The following NRG1 variants were observed in gnomAD, a reference collection of about 807,000 sequenced individuals.
NRG1 encodes pro-neuregulin-1, membrane-bound isoform.
A neutral mutation model predicts 63.8 loss-of-function variants in NRG1; 18 were observed. That is an observed-to-expected ratio of 0.28 (90% CI 0.19 to 0.42). The LOEUF is 0.42. Ranked by LOEUF, NRG1 falls within the 10% of genes least tolerant of loss-of-function variation. NRG1 has a pLI of 1.00. For synonymous variants in NRG1, 302 were observed against 301.3 expected (o/e 1.00, Z -0.02); for missense variants, 762 against 814.7 (o/e 0.94, Z 0.79).
At chr8:31,856,867 C>T (rs1372252500) in intron 1 of NRG1, among the ~76,000 whole-genome samples, 38 of 152,236 alleles carry the variant, frequency 2.5e-4, no homozygotes, top group Non-Finnish European at 1.3e-4. Context: ...TTGGAGTACC[C>T]GGCCGTGTGA....
chr8:31,789,802 A>G (rs1403474362), intron 1 of NRG1, among the ~76,000 whole-genome samples: 3 of 152,160 alleles, frequency 2.0e-5, no homozygotes, highest in African/African-American at 7.2e-5. Context: ...TAATGAATTT[A>G]TGTTCATTAT....
intron 5 of NRG1, among the ~76,000 whole-genome samples, chr8:32,651,367 G>A (rs1194142172): frequency 1.3e-5 from 2 of 152,128 alleles, no homozygotes; most frequent in East Asian, 3.9e-4. Context: ...TGATTATATT[G>A]TCATGATACT....
At chr8:32,418,536 G>T (rs1266100814) in intron 1 of NRG1, among the ~76,000 whole-genome samples, 1 of 151,568 alleles carries the variant, frequency 6.6e-6, no homozygotes, top group African/African-American at 2.4e-5. Context: ...TCTTAATTTG[G>T]ACTAGATGCA....
At chr8:32,621,306 A>G (rs1848294890) in intron 5 of NRG1, among the ~76,000 whole-genome samples, 2 of 152,186 alleles carry the variant, frequency 1.3e-5, no homozygotes, top group African/African-American at 2.4e-5. Context: ...CTAAAAACTT[A>G]TAAATAATTG....
rs1837168214 is a variant in NRG1, at chr8:32,564,949, A to C, written c.100+16123A>C. Among the ~76,000 whole-genome samples the C allele has an allele frequency of 4.6e-5, 7 of 152,234 alleles. No homozygotes were observed. The South Asian group carries it at 1.4e-3, about 32-fold the overall frequency. The stretch of plus-strand genomic sequence containing the variant: ...GCCAGTTATAATGGTGCACATGTGT[A>C]GTACCAGCTACTTGGGAGGCTGAGG... On this transcript the variant is annotated intron_variant, in intron 1 of 11. Transcript: ENST00000356819.
At chr8:32,492,251 T>C (rs1346335029) in intron 1 of NRG1, among the ~76,000 whole-genome samples, 4 of 152,204 alleles carry the variant, frequency 2.6e-5, no homozygotes, top group African/African-American at 9.6e-5. Flanking sequence ...TTGAGTTATA[T>C]GGGAGTCAAT....
intron 1 of NRG1, among the ~76,000 whole-genome samples, chr8:31,754,500 A>C (rs1252768072): frequency 6.6e-6 from 1 of 152,120 alleles, no homozygotes; most frequent in Non-Finnish European, 1.5e-5. Flanking sequence ...AGATGCCAGC[A>C]TCATGCTTCC....
intron 1 of NRG1, among the ~76,000 whole-genome samples, chr8:31,656,593 A>T (rs1035996632): frequency 2.6e-5 from 4 of 152,226 alleles, no homozygotes; most frequent in South Asian, 2.1e-4. Context: ...ACTGGGAAGA[A>T]TAACTAATTT....
At chr8:31,759,252 C>T (rs184987274) in intron 1 of NRG1, among the ~76,000 whole-genome samples, 2 of 152,112 alleles carry the variant, frequency 1.3e-5, no homozygotes, top group African/African-American at 2.4e-5. Context: ...TTGATAAACC[C>T]TATTTTATCA....
At chr8:32,384,455 C>T (rs1173006807) in intron 1 of NRG1, among the ~76,000 whole-genome samples, 2 of 152,196 alleles carry the variant, frequency 1.3e-5, no homozygotes, top group Non-Finnish European at 2.9e-5. Context: ...AATGCAAGAT[C>T]TGAAGTTTGG....
chr8:32,475,483 G>T (rs1465111794), intron 1 of NRG1, among the ~76,000 whole-genome samples: 1 of 79,426 alleles, frequency 1.3e-5, no homozygotes, highest in Admixed American at 1.2e-4. Context: ...AAAAAAAAGT[G>T]CCTACTCATA....
At chr8:32,478,926 C>T (rs1267668025) in intron 1 of NRG1, among the ~76,000 whole-genome samples, 1 of 152,140 alleles carries the variant, frequency 6.6e-6, no homozygotes, top group East Asian at 1.9e-4. Flanking sequence ...TCCAGTGCTA[C>T]CTGTTTGGAC....
At chr8:32,492,380 A>G (rs1480030413) in intron 1 of NRG1, among the ~76,000 whole-genome samples, 1 of 150,364 alleles carries the variant, frequency 6.7e-6, no homozygotes, top group African/African-American at 2.4e-5. Flanking sequence ...CCATGCACCA[A>G]TACTCCTAGA....
At position 31,646,361 on chromosome 8, in the gene NRG1, A is replaced by G. The variant is rs946757891; in HGVS notation, c.37+6930A>G. ...TCCTTTTCTTTTGCTCTGCTGTGCT[A>G]GAATATGTGAGCTGAATCAAGCCCA... On this transcript the variant is annotated intron_variant, in intron 1 of 10. Transcript: ENST00000519301. 2.0e-5 allele frequency among the ~76,000 whole-genome samples: 3 copies of G among 152,228 alleles called. 1 individual carries two copies. The highest frequency in any genetic ancestry group is 2.0e-4 in the Admixed American group (3 of 15,290).
At chr8:31,743,987 T>C (rs1035435949) in intron 1 of NRG1, among the ~76,000 whole-genome samples, 1 of 152,022 alleles carries the variant, frequency 6.6e-6, no homozygotes, top group African/African-American at 2.4e-5. Flanking sequence ...AATGTGAACA[T>C]GCAAATTAAC....
At chr8:32,636,127 CTTATG>C (rs1851295254) in intron 5 of NRG1, among the ~76,000 whole-genome samples, 1 of 151,536 alleles carries the variant, frequency 6.6e-6, no homozygotes, top group Non-Finnish European at 1.5e-5. Context: ...CTTCTAAAGA[CTTATG>C]TTTTGTTTTA....
intron 1 of NRG1, among the ~76,000 whole-genome samples, chr8:31,753,335 CA>C (rs113033479): frequency 1.7e-4 from 24 of 144,758 alleles, no homozygotes; most frequent in African/African-American, 2.3e-4. Flanking sequence ...AATCAGTCAT[CA>C]AAAAAAAAAC....
At chr8:32,244,904 G>T (rs1448329243) in intron 1 of NRG1, among the ~76,000 whole-genome samples, 1 of 152,188 alleles carries the variant, frequency 6.6e-6, no homozygotes, top group Admixed American at 6.5e-5. Flanking sequence ...AAAGACCAGA[G>T]TTTAACCCTG....
chr8:32,311,589 T>G (rs1195379172), intron 1 of NRG1, among the ~76,000 whole-genome samples: 1 of 152,154 alleles, frequency 6.6e-6, no homozygotes, highest in East Asian at 1.9e-4. Context: ...ATATAGGGCC[T>G]GAGGGTCACA....
Sources: gnomAD v4.1 joint callset for allele counts (sites outside exome capture counted in the v4.1 genomes callset) on GRCh38, gnomAD v4.1.1 for gene constraint, MANE v1.5 for transcripts, NCBI Gene and HGNC (gene_info 2026-07-23, HGNC 2026-07-21) for gene names.